The following PTPRD variants were observed in gnomAD, a reference collection of about 807,000 sequenced individuals.
The protein encoded by PTPRD is protein tyrosine phosphatase receptor type D.
A neutral mutation model predicts 214.5 loss-of-function variants in PTPRD; 34 were observed. The observed-to-expected ratio is 0.16, with a 90% CI of 0.12 to 0.21. The LOEUF is 0.21. PTPRD is among the 10% of genes least tolerant of loss of function. The pLI is 1.00. For missense variants in PTPRD, 2,545 were observed against 2,398.7 expected, an observed-to-expected ratio of 1.06 and a Z score of -1.27; for synonymous variants, 1,128 against 845.7, an observed-to-expected ratio of 1.33 and a Z score of -5.79.
At position 10,369,485 on chromosome 9, in the gene PTPRD, T is replaced by C. The variant is rs190503214; in HGVS notation, c.-599-28468A>G. On this transcript the variant is annotated intron_variant, in intron 2 of 45. Transcript: ENST00000381196. ...AGTGTATCCATACGAACAGCCACAA[T>C]TGTAATAGCAAGTACCTAAACACAA... Among the ~76,000 whole-genome samples, 98 of 152,090 alleles carry C rather than the reference T, an allele frequency of 6.4e-4. 1 individual carries two copies. The highest frequency in any genetic ancestry group is 1.0e-4 in the Non-Finnish European group (7 of 67,966).
intron 8 of PTPRD, among the ~76,000 whole-genome samples, chr9:9,451,426 A>G (rs1175247868): frequency 6.6e-6 from 1 of 151,792 alleles, no homozygotes; most frequent in Non-Finnish European, 1.5e-5. Context: ...GTTTGTTTCC[A>G]TTTTTGTGTT....
At chr9:10,388,764 T>C (rs2097984285) in intron 2 of PTPRD, among the ~76,000 whole-genome samples, 1 of 151,770 alleles carries the variant, frequency 6.6e-6, no homozygotes, top group South Asian at 2.1e-4. Context: ...TCTTCCTCTT[T>C]AAAAGTAAAA....
intron 35 of PTPRD, 102 bp downstream of exon 35, chr9:8,436,490 T>G (rs1007203333): frequency 1.2e-6 from 1 of 842,256 alleles, no homozygotes; most frequent in Non-Finnish European, 1.9e-6. Context: ...TGAGTCATAT[T>G]TAAAGGGAAA....
At chr9:9,624,392 C>G (rs1336913953) in intron 7 of PTPRD, among the ~76,000 whole-genome samples, 13 of 152,082 alleles carry the variant, frequency 8.5e-5, no homozygotes, top group Admixed American at 8.5e-4. Context: ...AAGTGATTCT[C>G]CTGCCTCAGC....
At chr9:10,224,912 T>G (rs966989428) in intron 3 of PTPRD, among the ~76,000 whole-genome samples, 1 of 152,106 alleles carries the variant, frequency 6.6e-6, no homozygotes, top group Non-Finnish European at 1.5e-5. Context: ...ATTGTAAGAA[T>G]ACAGTACATA....
At chr9:10,352,369 G>A (rs774493922) in intron 2 of PTPRD, among the ~76,000 whole-genome samples, 2 of 151,874 alleles carry the variant, frequency 1.3e-5, no homozygotes, top group East Asian at 1.9e-4. Context: ...TCTTATACTC[G>A]ATTGAATGTT....
At chr9:10,504,153 A>C (rs558692149) in intron 2 of PTPRD, among the ~76,000 whole-genome samples, 9 of 141,836 alleles carry the variant, frequency 6.3e-5, no homozygotes, top group Non-Finnish European at 1.2e-4. Flanking sequence ...ATGTACGGGG[A>C]AAGTGTCATT....
chr9:10,354,567 C>A (rs1005721295), intron 2 of PTPRD, among the ~76,000 whole-genome samples: 1 of 152,110 alleles, frequency 6.6e-6, no homozygotes, highest in Non-Finnish European at 1.5e-5. Flanking sequence ...TTCTTTGACT[C>A]TCAAATATGC....
intron 9 of PTPRD, among the ~76,000 whole-genome samples, chr9:9,185,267 G>C (rs1593126386): frequency 6.6e-6 from 1 of 151,974 alleles, no homozygotes; most frequent in African/African-American, 2.4e-5. Flanking sequence ...TTGAAGTCTA[G>C]ACAAAAATAG....
chr9:9,271,159 C>T (rs1387973614), intron 9 of PTPRD, among the ~76,000 whole-genome samples: 2 of 151,290 alleles, frequency 1.3e-5, no homozygotes, highest in Admixed American at 1.3e-4. Context: ...GAAAGCCACT[C>T]TTCAAAGATT....
At chr9:8,899,442 G>A (rs2098647931) in intron 11 of PTPRD, among the ~76,000 whole-genome samples, 1 of 152,162 alleles carries the variant, frequency 6.6e-6, no homozygotes, top group Admixed American at 6.6e-5. Context: ...CTAGAGATCG[G>A]CATATCTCCC....
chr9:9,558,614 T>G (rs1405797418), intron 8 of PTPRD, among the ~76,000 whole-genome samples: 1 of 152,200 alleles, frequency 6.6e-6, no homozygotes, highest in Non-Finnish European at 1.5e-5. Context: ...ACATAAGCGT[T>G]GATAAACTGC....
At chr9:9,520,994 G>A (rs540511934) in intron 8 of PTPRD, among the ~76,000 whole-genome samples, 3 of 152,240 alleles carry the variant, frequency 2.0e-5, no homozygotes, top group African/African-American at 7.2e-5. Context: ...TGCATCAGAT[G>A]GGGTACTGAA....
At chr9:8,505,033 A>G (rs996776688) in intron 22 of PTPRD, among the ~76,000 whole-genome samples, 2 of 152,244 alleles carry the variant, frequency 1.3e-5, no homozygotes, top group Non-Finnish European at 2.9e-5. Context: ...TTGATCTAAA[A>G]TAACTGAAAA....
intron 3 of PTPRD, among the ~76,000 whole-genome samples, chr9:10,130,999 C>A (rs1334699117): frequency 6.6e-6 from 1 of 152,066 alleles, no homozygotes; most frequent in Non-Finnish European, 1.5e-5. Flanking sequence ...TATAAGCTAC[C>A]ATCAAATGCA....
intron 2 of PTPRD, among the ~76,000 whole-genome samples, chr9:10,414,922 C>G (rs2098472668): frequency 6.6e-6 from 1 of 151,346 alleles, no homozygotes; most frequent in Non-Finnish European, 1.5e-5. Context: ...ATACTGGGGT[C>G]TACTTGAGGG....
intron 10 of PTPRD, chr9:9,091,102 G>T: frequency 5.7e-6 from 8 of 1,403,044 alleles, no homozygotes; most frequent in Non-Finnish European, 8.0e-6. Flanking sequence ...CAAGCTGTAT[G>T]TGAAGCTACA....
intron 39 of PTPRD, among the ~76,000 whole-genome samples, chr9:8,355,789 T>C (rs779686209): frequency 1.1e-4 from 16 of 152,184 alleles, no homozygotes; most frequent in Non-Finnish European, 2.1e-4. Flanking sequence ...GAGGTTCTTA[T>C]TCAGTAAGTC....
chr9:9,112,947 A>T (rs1243577198), intron 10 of PTPRD, among the ~76,000 whole-genome samples: 1 of 151,552 alleles, frequency 6.6e-6, no homozygotes, highest in Non-Finnish European at 1.5e-5. Context: ...AACTTTTAGA[A>T]ATCTGAGCTC....
Sources: allele counts gnomAD v4.1 joint callset (sites outside exome capture counted in the v4.1 genomes callset), GRCh38; gene constraint gnomAD v4.1.1; transcripts MANE v1.5; gene names NCBI Gene and HGNC (gene_info 2026-07-23, HGNC 2026-07-21).